TMEM117: variants seen among roughly 807,000 people sequenced by gnomAD.
The protein encoded by TMEM117 is transmembrane protein 117.
A neutral mutation model predicts 52.4 loss-of-function variants in TMEM117; 27 were observed. The ratio of observed to expected loss-of-function variants is 0.51; its 90% confidence interval spans 0.38 to 0.71. The LOEUF is 0.71. Ranked by LOEUF, TMEM117 falls within the 30% of genes least tolerant of loss-of-function variation. TMEM117 has a pLI of 0.00. For missense variants in TMEM117, 556 were observed against 630.5 expected (o/e 0.88, Z 1.26); for synonymous variants, 215 against 206.3 (o/e 1.04, Z -0.36).
intron 3 of TMEM117, among the ~76,000 whole-genome samples, chr12:44,099,139 A>G (rs1167991441): frequency 2.0e-5 from 3 of 152,050 alleles, no homozygotes; most frequent in Non-Finnish European, 4.4e-5. Flanking sequence ...GTCAACCTGA[A>G]GTTATTTCCA....
At chr12:44,386,403 A>G (rs1337739852) in intron 7 of TMEM117, among the ~76,000 whole-genome samples, 1 of 152,164 alleles carries the variant, frequency 6.6e-6, no homozygotes, top group Non-Finnish European at 1.5e-5. Context: ...ATTACTTTCC[A>G]GTTGGGTATG....
rs1273969772 is a variant in TMEM117, at chr12:44,027,106, TTTATTTTATC to T, written c.410+82770_410+82779del. ...CCTATTTTATTTTATTTTATTTTAT[TTTATTTTATC>T]TTATTATTTTATTTTATATTTTATT... On this transcript the variant is annotated intron_variant, in intron 3 of 7. Coordinates refer to ENST00000266534, the MANE Select transcript of TMEM117 (RefSeq NM_032256.3). Among the ~76,000 whole-genome samples, 268 of 142,250 alleles carry T rather than the reference TTTATTTTATC, an allele frequency of 1.9e-3. 3 individuals are homozygous for T. The highest frequency in any genetic ancestry group is 2.8e-3 in the Non-Finnish European group (186 of 66,316). 93.3% of individuals were successfully genotyped at this position (142,250 alleles called of 152,430 possible). A position where few individuals can be genotyped will look rare whatever the true frequency, so the allele number is the denominator to read the frequency against.
intron 2 of TMEM117, among the ~76,000 whole-genome samples, chr12:43,924,525 G>C (rs1007286227): frequency 6.6e-6 from 1 of 152,018 alleles, no homozygotes; most frequent in African/African-American, 2.4e-5. Context: ...CAAGTATTTC[G>C]TGCTGTGAAG....
rs1276164064 is a variant in TMEM117 at position 44,307,212 on chromosome 12, A to G, written c.768+7473A>G. ...ATTTCAGAGCATATGGCAGAGCAACAAGCATAAACCTATGTTAATTAAATA... is the reference window on the plus strand; with the variant it reads ...ATTTCAGAGCATATGGCAGAGCAACGAGCATAAACCTATGTTAATTAAATA... On this transcript the variant is annotated intron_variant, in intron 6 of 7. Transcript: ENST00000266534. Among the ~76,000 whole-genome samples, 3 of 152,224 alleles carry G rather than the reference A, an allele frequency of 2.0e-5. No individual in the cohort carries two copies. In the East Asian group the frequency reaches 5.8e-4, roughly 29 times the overall value.
chr12:43,942,263 C>T (rs944673982), intron 2 of TMEM117, among the ~76,000 whole-genome samples: 2 of 152,142 alleles, frequency 1.3e-5, no homozygotes, highest in South Asian at 4.1e-4. Flanking sequence ...ATGTAATAGG[C>T]ACACATTAAA....
intron 5 of TMEM117, among the ~76,000 whole-genome samples, chr12:44,272,645 G>A (rs574465166): frequency 6.6e-6 from 1 of 152,314 alleles, no homozygotes; most frequent in South Asian, 2.1e-4. Context: ...GGCCATCAGA[G>A]AAATGCAAAT....
At chr12:44,326,902 C>T (rs1407134612) in intron 6 of TMEM117, among the ~76,000 whole-genome samples, 3 of 152,200 alleles carry the variant, frequency 2.0e-5, no homozygotes. Context: ...ACTGAAGCCT[C>T]CTTCTTTCTA....
At chr12:43,836,264 C>G (rs1297826619) in intron 1 of TMEM117, 68 bp downstream of exon 1, 1 of 152,338 alleles carries the variant, frequency 6.6e-6, no homozygotes, top group African/African-American at 2.4e-5. Context: ...GCGGAGCCCT[C>G]CCGGCCCTGC....
chr12:44,271,938 C>A (rs572793828), intron 5 of TMEM117, among the ~76,000 whole-genome samples: 1 of 152,170 alleles, frequency 6.6e-6, no homozygotes, highest in South Asian at 2.1e-4. Flanking sequence ...GCTAAATAGA[C>A]ATTTCTCAAA....
Position 43,852,129 on chromosome 12 carries a change from T to G in TMEM117, c.277+7201T>G, listed in dbSNP as rs922385219. Among the ~76,000 whole-genome samples, 21 of 150,868 alleles carry G rather than the reference T, an allele frequency of 1.4e-4. No individual in the cohort carries two copies. In the East Asian group the frequency reaches 4.1e-3, roughly 29 times the overall value. On this transcript the variant is annotated intron_variant, in intron 2 of 7. Transcript: ENST00000266534. ...CTGGCCAACATGGTGAAACCCTGTC[T>G]GTACTAAGAATACAAAAACTGGCTG...
At chr12:44,034,368 A>C (rs147858610) in intron 3 of TMEM117, among the ~76,000 whole-genome samples, 1,787 of 152,326 alleles carry the variant, frequency 0.012, 22 homozygotes, top group South Asian at 0.049. Context: ...CCTCGTAGGG[A>C]AATCAGTAAC....
chr12:43,799,342 A>G, the TMEM117 span: 2 of 1,157,388 alleles, frequency 1.7e-6, no homozygotes, highest in Non-Finnish European at 2.5e-6. Flanking sequence ...ATTAATTAAA[A>G]ATACAGTATT....
intron 3 of TMEM117, among the ~76,000 whole-genome samples, chr12:44,017,900 CAG>C (rs150557329): frequency 0.056 from 8,542 of 152,160 alleles, 350 homozygotes; most frequent in Middle Eastern, 0.11. Flanking sequence ...ATTGAAATGA[CAG>C]AGTTTTGATT....
At chr12:44,121,549 C>G (rs1471182753) in intron 3 of TMEM117, among the ~76,000 whole-genome samples, 1 of 152,036 alleles carries the variant, frequency 6.6e-6, no homozygotes, top group Non-Finnish European at 1.5e-5. Flanking sequence ...TTTCTTTTCT[C>G]TAGCTTAACA....
intron 2 of TMEM117, among the ~76,000 whole-genome samples, chr12:43,937,915 G>A (rs528619339): frequency 9.2e-5 from 14 of 152,222 alleles, no homozygotes; most frequent in Admixed American, 6.5e-5. Flanking sequence ...CAGTGTTATA[G>A]ACCACAGGCT....
intron 2 of TMEM117, among the ~76,000 whole-genome samples, chr12:43,885,463 G>C (rs1350942947): frequency 1.6e-5 from 1 of 62,842 alleles, no homozygotes; most frequent in African/African-American, 3.2e-5. Context: ...TCATGAGAAA[G>C]AACTTTTTTT....
chr12:44,193,383 T>C (rs1249216640), intron 4 of TMEM117, among the ~76,000 whole-genome samples: 1 of 152,208 alleles, frequency 6.6e-6, no homozygotes, highest in Non-Finnish European at 1.5e-5. Flanking sequence ...AAGTAAAGGA[T>C]ATCTTTAGAG....
At chr12:43,906,606 G>A (rs1356912987) in intron 2 of TMEM117, among the ~76,000 whole-genome samples, 1 of 152,232 alleles carries the variant, frequency 6.6e-6, no homozygotes, top group Non-Finnish European at 1.5e-5. Context: ...ACTAGGGAGT[G>A]CCAGACAGTG....
chr12:44,196,052 A>C (rs1949416100), intron 4 of TMEM117, among the ~76,000 whole-genome samples: 1 of 152,048 alleles, frequency 6.6e-6, no homozygotes, highest in African/African-American at 2.4e-5. Context: ...GTGCCACTGC[A>C]CTCCAGCCTG....
Sources: gnomAD v4.1 joint callset for allele counts (sites outside exome capture counted in the v4.1 genomes callset) on GRCh38, gnomAD v4.1.1 for gene constraint, MANE v1.5 for transcripts, NCBI Gene and HGNC (gene_info 2026-07-23, HGNC 2026-07-21) for gene names.